Variants in TIAM1 observed in about 807,000 individuals in gnomAD.
The protein encoded by TIAM1 is TIAM Rac1 associated GEF 1.
Under a neutral mutation model 163.5 loss-of-function variants are expected in TIAM1, and 65 were observed. The ratio of observed to expected loss-of-function variants is 0.40; its 90% confidence interval spans 0.33 to 0.49. TIAM1 has a LOEUF of 0.49. Among genes scored for constraint, TIAM1 ranks in the 20% least tolerant of loss-of-function variants. The pLI, the probability that TIAM1 is intolerant of heterozygous loss-of-function variation, is 0.77. For missense variants in TIAM1, 1,789 were observed against 2,044.7 expected (o/e 0.87, Z 2.41); for synonymous variants, 833 against 810.1 (o/e 1.03, Z -0.48).
At chr21:31,503,874 G>A (rs747504467) in intron 1 of TIAM1, among the ~76,000 whole-genome samples, 79 of 151,480 alleles carry the variant, frequency 5.2e-4, no homozygotes, top group Non-Finnish European at 1.1e-3. Context: ...AAAAAGTGAG[G>A]ACCAGACTAT....
At chr21:31,383,139 C>A (rs1362421952) in intron 2 of TIAM1, among the ~76,000 whole-genome samples, 1 of 152,056 alleles carries the variant, frequency 6.6e-6, no homozygotes, top group Non-Finnish European at 1.5e-5. Context: ...ACTCGGGAGA[C>A]TGAGGCAGGA....
chr21:31,131,357 TTAAGG>T (rs2082407156), intron 23 of TIAM1, among the ~76,000 whole-genome samples: 1 of 152,208 alleles, frequency 6.6e-6, no homozygotes, highest in African/African-American at 2.4e-5. Context: ...TTTATGCAAA[TTAAGG>T]TAATAGTGCA....
chr21:31,378,988 T>C (rs2076734055), intron 2 of TIAM1, among the ~76,000 whole-genome samples: 1 of 152,192 alleles, frequency 6.6e-6, no homozygotes, highest in Non-Finnish European at 1.5e-5. Flanking sequence ...GTTTTTTCAA[T>C]TGAGATGGAG....
At chr21:31,492,275 A>G (rs1454780287) in intron 1 of TIAM1, among the ~76,000 whole-genome samples, 2 of 152,170 alleles carry the variant, frequency 1.3e-5, no homozygotes, top group Admixed American at 1.3e-4. Context: ...TACCTCCCTC[A>G]CAATTTGGAA....
intron 14 of TIAM1, among the ~76,000 whole-genome samples, chr21:31,186,021 T>C (rs1378867453): frequency 6.6e-6 from 1 of 152,254 alleles, no homozygotes; most frequent in African/African-American, 2.4e-5. Flanking sequence ...TCTGTTATTT[T>C]AAGCCACCCA....
intron 2 of TIAM1, among the ~76,000 whole-genome samples, chr21:31,401,577 C>A (rs1450093607): frequency 6.6e-6 from 1 of 152,154 alleles, no homozygotes. Context: ...ACCCTTGCAT[C>A]CCAGCAGAAG....
chr21:31,495,958 T>G (rs2046625946), intron 1 of TIAM1, among the ~76,000 whole-genome samples: 1 of 150,200 alleles, frequency 6.7e-6, no homozygotes, highest in African/African-American at 2.5e-5. Flanking sequence ...AGTGACAGAG[T>G]GAGGGTCTCA....
intron 2 of TIAM1, among the ~76,000 whole-genome samples, chr21:31,419,259 TG>T (rs1297171430): frequency 6.6e-6 from 1 of 152,182 alleles, no homozygotes; most frequent in African/African-American, 2.4e-5. Flanking sequence ...CATGAATGCG[TG>T]AGAAATTCAT....
rs79549374 is a variant in TIAM1, at chr21:31,399,473, T to C, written c.-368-60051A>G. ...AAGGCAAAGAAAGGAAATTGCTTCT[T>C]CAGGCTGACAGAATGAATTGTATGC... On this transcript the variant is annotated intron_variant, in intron 2 of 28. Coordinates refer to the TIAM1 transcript ENST00000286827. Among the ~76,000 whole-genome samples the C allele has an allele frequency of 3.1e-3, 471 of 152,332 alleles. 4 individuals carry two copies. Among genetic ancestry groups the C allele is most frequent in the Non-Finnish European group, 5.8e-3 (393 of 68,026 alleles).
chr21:31,344,567 T>C (rs2076110012), upstream of TIAM1, among the ~76,000 whole-genome samples: 1 of 152,122 alleles, frequency 6.6e-6, no homozygotes. Flanking sequence ...TCTTAAAAGA[T>C]ATAAAAGGCC....
chr21:31,248,036 G>GCCTA (rs1048031723), intron 5 of TIAM1, among the ~76,000 whole-genome samples: 1 of 152,132 alleles, frequency 6.6e-6, no homozygotes, highest in Non-Finnish European at 1.5e-5. Flanking sequence ...AGAGGACAGA[G>GCCTA]CCTAAAGAAG....
intron 1 of TIAM1, among the ~76,000 whole-genome samples, chr21:31,483,388 A>C (rs1428293877): frequency 6.6e-6 from 1 of 152,132 alleles, no homozygotes; most frequent in Non-Finnish European, 1.5e-5. Flanking sequence ...TTTTAGTCTC[A>C]ATGTTAAGAC....
chr21:31,519,496 G>A (rs1484700263), intron 1 of TIAM1, among the ~76,000 whole-genome samples: 3 of 125,414 alleles, frequency 2.4e-5, no homozygotes, highest in East Asian at 4.6e-4. Flanking sequence ...GCCACAGAGC[G>A]AGATTCTGTC....
intron 2 of TIAM1, among the ~76,000 whole-genome samples, chr21:31,432,199 C>T (rs965937857): frequency 7.0e-6 from 1 of 143,876 alleles, no homozygotes; most frequent in Non-Finnish European, 1.5e-5. Flanking sequence ...CTCCCGGGTT[C>T]AAGCGATTCT....
chr21:31,474,348 A>T (rs936373534), intron 1 of TIAM1, among the ~76,000 whole-genome samples: 1 of 152,286 alleles, frequency 6.6e-6, no homozygotes, highest in Non-Finnish European at 1.5e-5. Flanking sequence ...GGGTCAGGAC[A>T]CCTGGATTCA....
chr21:31,237,349 C>T (rs2070946740), intron 6 of TIAM1, among the ~76,000 whole-genome samples: 3 of 152,256 alleles, frequency 2.0e-5, no homozygotes, highest in Non-Finnish European at 4.4e-5. Context: ...TCAAGTCTGA[C>T]ACACACAGCT....
At chr21:31,442,553 CA>C (rs1204341052) in intron 2 of TIAM1, among the ~76,000 whole-genome samples, 1 of 152,138 alleles carries the variant, frequency 6.6e-6, no homozygotes, top group African/African-American at 2.4e-5. Context: ...TGCAATCTTG[CA>C]AAACTGGCCT....
chr21:31,413,959 G>A (rs981697608), intron 2 of TIAM1, among the ~76,000 whole-genome samples: 2 of 152,180 alleles, frequency 1.3e-5, no homozygotes, highest in Non-Finnish European at 2.9e-5. Flanking sequence ...AGCAACCGTC[G>A]TGATGGGAGT....
At chr21:31,388,819 T>C (rs527788581) in intron 2 of TIAM1, among the ~76,000 whole-genome samples, 1 of 152,340 alleles carries the variant, frequency 6.6e-6, no homozygotes, top group East Asian at 1.9e-4. Flanking sequence ...GAAATTAAAA[T>C]AGTAAGCACT....
Sources: allele counts gnomAD v4.1 joint callset (sites outside exome capture counted in the v4.1 genomes callset), GRCh38; gene constraint gnomAD v4.1.1; transcripts MANE v1.5; gene names NCBI Gene and HGNC (gene_info 2026-07-23, HGNC 2026-07-21).